The following CTIF variants were observed in gnomAD, a reference collection of about 807,000 sequenced individuals.
The protein encoded by CTIF is CBP80/20-dependent translation initiation factor.
CTIF carries 21 observed loss-of-function variants against 66.0 expected under a neutral mutation model. The ratio of observed to expected loss-of-function variants is 0.32; its 90% CI spans 0.23 to 0.46. CTIF has a LOEUF of 0.46. Among genes scored for constraint, CTIF ranks in the 20% least tolerant of loss-of-function variants. The probability of loss-of-function intolerance (pLI) is 1.00; values close to 1 mark genes in which losing one functional copy is unlikely to be tolerated. For synonymous variants in CTIF, 345 were observed against 326.4 expected (o/e 1.06, Z -0.62); for missense variants, 739 against 812.7 (o/e 0.91, Z 1.10).
chr18:48,761,694 CTG>C lies in CTIF; in HGVS notation c.1371+6_1371+7del. 1 of 1,602,658 alleles carries C rather than the reference CTG, an allele frequency of 6.2e-7. No individual in the cohort carries two copies. Among genetic ancestry groups the C allele is most frequent in the Non-Finnish European group, 8.5e-7 (1 of 1,171,390 alleles). On this transcript the variant is annotated splice_donor_region_variant and intron_variant, in intron 9 of 11. Transcript: ENST00000256413. The surrounding 1 kb of genome is among the most constrained non-coding windows in gnomAD (Gnocchi z 4.2). ...CTGCTCCTCAACATGCTGCAGGTAA[CTG>C]GACGCCGGCCACCACCGCCCCGCGC... is the stretch of plus-strand genomic sequence containing the variant.
At chr18:48,679,414 T>A (rs149821402) in intron 6 of CTIF, among the ~76,000 whole-genome samples, 1 of 152,216 alleles carries the variant, frequency 6.6e-6, no homozygotes, top group African/African-American at 2.4e-5. Context: ...GGCAGAGAAC[T>A]GGCAAGCTTG....
chr18:48,792,678 G>T (rs527777598), intron 9 of CTIF, among the ~76,000 whole-genome samples: 1 of 152,288 alleles, frequency 6.6e-6, no homozygotes, highest in East Asian at 1.9e-4. Context: ...GAGCTGAGAG[G>T]ATCCTCTGAA....
At position 48,636,612 on chromosome 18, in the gene CTIF, A is replaced by T; in HGVS notation, c.181-2A>T. The T allele has an allele frequency of 6.4e-7, 1 of 1,564,056 alleles. No individual in the cohort carries two copies. The highest frequency in any genetic ancestry group is 8.6e-7 in the Non-Finnish European group (1 of 1,158,542). On this transcript the variant is annotated splice_acceptor_variant, in intron 2 of 11. Coordinates refer to ENST00000256413, the MANE Select transcript of CTIF (RefSeq NM_014772.3). LOFTEE classifies it high-confidence loss of function. The stretch of plus-strand genomic sequence containing the variant: ...CACTGATCGCTCCTTTCTGTTCTGC[A>T]GTGGACAGCGGACTGCAGCGAACCG...
intron 5 of CTIF, among the ~76,000 whole-genome samples, chr18:48,667,204 G>A (rs960129805): frequency 1.3e-5 from 2 of 152,144 alleles, no homozygotes; most frequent in Non-Finnish European, 2.9e-5. Flanking sequence ...AGACTGTGTA[G>A]GGGAAGAAAG....
chr18:48,683,363 T>C (rs1303312974), intron 6 of CTIF, among the ~76,000 whole-genome samples: 3 of 149,810 alleles, frequency 2.0e-5, no homozygotes, highest in African/African-American at 7.3e-5. Flanking sequence ...GACCCCTGCT[T>C]GCAGTGAGAC....
intron 6 of CTIF, among the ~76,000 whole-genome samples, chr18:48,708,668 T>A (rs2092189404): frequency 6.6e-6 from 1 of 152,208 alleles, no homozygotes; most frequent in South Asian, 2.1e-4. Flanking sequence ...CAAGGCTTTG[T>A]TCTGTCACCT....
chr18:48,710,596 C>T (rs993541934), intron 6 of CTIF, among the ~76,000 whole-genome samples: 1 of 152,234 alleles, frequency 6.6e-6, no homozygotes, highest in African/African-American at 2.4e-5. Flanking sequence ...TGGCCATCAG[C>T]CCAGCTTGTG....
At chr18:48,752,281 TCTC>T (rs772613729) in intron 7 of CTIF, among the ~76,000 whole-genome samples, 9 of 152,106 alleles carry the variant, frequency 5.9e-5, no homozygotes, top group Non-Finnish European at 1.3e-4. Context: ...ATGCTGGCCC[TCTC>T]CTCTCAGCGT....
At chr18:48,569,708 G>A (rs980228992) in intron 1 of CTIF, among the ~76,000 whole-genome samples, 3 of 152,064 alleles carry the variant, frequency 2.0e-5, no homozygotes, top group South Asian at 2.1e-4. Context: ...AGTTCAGTTC[G>A]CAGAGGTTGA....
At chr18:48,749,531 A>C (rs1229564628) in intron 7 of CTIF, among the ~76,000 whole-genome samples, 2 of 152,202 alleles carry the variant, frequency 1.3e-5, no homozygotes, top group African/African-American at 4.8e-5. Context: ...ATGGGTGCAC[A>C]GTGTGATCCC....
At chr18:48,658,418 GTGTT>G (rs1370012666) in intron 3 of CTIF, among the ~76,000 whole-genome samples, 2 of 93,606 alleles carry the variant, frequency 2.1e-5, no homozygotes, top group African/African-American at 5.6e-5. Flanking sequence ...GCACATATGT[GTGTT>G]TGGTGTGTAT....
chr18:48,554,456 G>A (rs943878559), intron 1 of CTIF, among the ~76,000 whole-genome samples: 4 of 152,224 alleles, frequency 2.6e-5, no homozygotes, highest in Admixed American at 6.5e-5. Context: ...CAGGCACTGC[G>A]ATGGAGGCAC....
chr18:48,554,332 G>A (rs2088964509), intron 1 of CTIF, among the ~76,000 whole-genome samples: 1 of 152,224 alleles, frequency 6.6e-6, no homozygotes, highest in Admixed American at 6.5e-5. Context: ...GTGCCCTCTT[G>A]CCTCTCTAGA....
intron 10 of CTIF, among the ~76,000 whole-genome samples, chr18:48,847,068 G>C (rs2069096321): frequency 6.6e-6 from 1 of 152,082 alleles, no homozygotes; most frequent in South Asian, 2.1e-4. Context: ...CCAGCACTTT[G>C]GGAGGCTGAG....
chr18:48,828,597 A>G (rs1389758621), intron 10 of CTIF, among the ~76,000 whole-genome samples: 4 of 152,054 alleles, frequency 2.6e-5, no homozygotes, highest in East Asian at 3.9e-4. Flanking sequence ...TCACAAAACC[A>G]TTTTCCAGCC....
chr18:48,785,947 C>T (rs946241100), intron 9 of CTIF, among the ~76,000 whole-genome samples: 2 of 152,146 alleles, frequency 1.3e-5, no homozygotes, highest in African/African-American at 2.4e-5. Context: ...TGGAGACTTA[C>T]GTAGGTTCAT....
chr18:48,722,510 A>G lies in CTIF; in HGVS notation c.584+10815A>G, dbSNP rs796217437. Reference sequence around the variant, plus strand: ...TGCTAGGATTAAGGGCATGAGCCACAGCACCCAGCCTCTCTGTCCTCTTGA... The same window carrying G: ...TGCTAGGATTAAGGGCATGAGCCACGGCACCCAGCCTCTCTGTCCTCTTGA... On this transcript the variant is annotated intron_variant, in intron 7 of 11. Transcript: ENST00000256413. 7.8e-4 allele frequency among the ~76,000 whole-genome samples: 118 copies of G among 152,248 alleles called. 1 individual carries two copies. Among genetic ancestry groups the G allele is most frequent in the African/African-American group, 2.7e-3 (112 of 41,536 alleles).
At chr18:48,753,427 C>A (rs1451438056) in intron 7 of CTIF, among the ~76,000 whole-genome samples, 2 of 152,120 alleles carry the variant, frequency 1.3e-5, no homozygotes, top group Non-Finnish European at 2.9e-5. Context: ...TGAAGTTATT[C>A]TCCCTACACC....
chr18:48,819,257 G>T (rs1277278660), intron 10 of CTIF, among the ~76,000 whole-genome samples: 1 of 152,228 alleles, frequency 6.6e-6, no homozygotes, highest in South Asian at 2.1e-4. Context: ...AGCTCCAGGA[G>T]GGCTGGCAGC....
Sources: gnomAD v4.1 joint callset for allele counts (sites outside exome capture counted in the v4.1 genomes callset) on GRCh38, gnomAD v4.1.1 for gene constraint, Gnocchi (gnomAD v3.1) non-coding constraint, MANE v1.5 for transcripts, NCBI Gene and HGNC (gene_info 2026-07-23, HGNC 2026-07-21) for gene names.